The following GPA33 variants were observed in gnomAD, a reference collection of about 807,000 sequenced individuals.
GPA33 encodes cell surface A33 antigen.
A neutral mutation model predicts 35.6 loss-of-function variants in GPA33; 27 were observed. The ratio of observed to expected loss-of-function variants is 0.76; its 90% confidence interval spans 0.56 to 1.04. The LOEUF is 1.04. Among genes scored for constraint, GPA33 ranks in the 50% least tolerant of loss-of-function variants. The pLI, the probability that GPA33 is intolerant of heterozygous loss-of-function variation, is 0.00. For synonymous variants in GPA33, 176 were observed against 164.0 expected (o/e 1.07, Z -0.56); for missense variants, 428 against 411.9 (o/e 1.04, Z -0.34).
At chr1:167,079,728 T>G (rs1208252180) in intron 1 of GPA33, among the ~76,000 whole-genome samples, 7 of 152,164 alleles carry the variant, frequency 4.6e-5, no homozygotes, top group Non-Finnish European at 1.0e-4. Flanking sequence ...TCAGTCAATA[T>G]CCTCTTGTTC....
chr1:167,056,796 T>C (rs1337589016), intron 4 of GPA33, among the ~76,000 whole-genome samples: 27 of 1,302 alleles, frequency 0.021, no homozygotes, highest in African/African-American at 0.069. Flanking sequence ...GTGTGGTGCG[T>C]GTGGTGTGGT....
intron 3 of GPA33, among the ~76,000 whole-genome samples, chr1:167,065,386 G>A (rs117476959): frequency 1.3e-5 from 2 of 152,338 alleles, no homozygotes; most frequent in East Asian, 3.9e-4. Flanking sequence ...GCAAGAAGCA[G>A]CATGAAGCAT....
At chr1:167,064,311 AAAAG>A (rs35530433) in intron 3 of GPA33, among the ~76,000 whole-genome samples, 68,081 of 150,622 alleles carry the variant, frequency 0.45, 15,776 homozygotes, top group South Asian at 0.61. Flanking sequence ...GAAAAAAAGA[AAAAG>A]AAAGAAAGAA....
intron 6 of GPA33, 125 bp downstream of exon 6, chr1:167,054,851 A>C: frequency 2.7e-6 from 3 of 1,099,064 alleles, no homozygotes; most frequent in Admixed American, 2.0e-5. Flanking sequence ...TCATTGTTTC[A>C]TCAGCACAAA....
chr1:167,071,071 C>G (rs1266667267), intron 2 of GPA33, among the ~76,000 whole-genome samples: 1 of 151,848 alleles, frequency 6.6e-6, no homozygotes, highest in South Asian at 2.1e-4. Context: ...GGTTTGGGAG[C>G]CAATGACATG....
intron 1 of GPA33, chr1:167,082,261 C>G (rs1336405075): frequency 2.2e-6 from 1 of 456,092 alleles, no homozygotes; most frequent in African/African-American, 2.0e-5. Context: ...ATTCTGAGAT[C>G]GTGGGGCAAT....
At chr1:167,069,468 T>C (rs992384989) in intron 2 of GPA33, among the ~76,000 whole-genome samples, 1 of 152,220 alleles carries the variant, frequency 6.6e-6, no homozygotes, top group African/African-American at 2.4e-5. Context: ...TTCCATTTTC[T>C]CCATAGCCTA....
chr1:167,073,601 C>T, intron 1 of GPA33, 62 bp from the exon 2 acceptor site: 2 of 1,406,192 alleles, frequency 1.4e-6, no homozygotes, highest in Non-Finnish European at 2.0e-6. Context: ...TACCCACTCA[C>T]TGCCCACAGG....
intron 2 of GPA33, among the ~76,000 whole-genome samples, 170 bp from the exon 3 acceptor site, chr1:167,069,308 T>C (rs185886177): frequency 6.6e-6 from 1 of 152,306 alleles, no homozygotes; most frequent in Non-Finnish European, 1.5e-5. Context: ...GGATTTCTTG[T>C]ATTATATATA....
intron 1 of GPA33, among the ~76,000 whole-genome samples, chr1:167,074,906 C>CT (rs774982628): frequency 0.32 from 38,930 of 121,670 alleles, 7,635 homozygotes; most frequent in African/African-American, 0.48. Context: ...ATTTGACTTA[C>CT]TTTTTTTTTT....
intron 1 of GPA33, among the ~76,000 whole-genome samples, chr1:167,077,040 T>C (rs772820758): frequency 6.6e-6 from 1 of 151,864 alleles, no homozygotes; most frequent in Non-Finnish European, 1.5e-5. Flanking sequence ...ACCCTGCCTC[T>C]ACTAAAAATA....
In GPA33 at chr1:167,090,207, C is replaced by T. The variant is rs148390679; in HGVS notation, c.43+38G>A. On this transcript the variant is annotated intron_variant, in intron 1 of 6. Transcript: ENST00000367868. Reference sequence around the variant, plus strand: ...TCAGCCCTAGGTCCCCATGTCTCACCCACCCCTGGGCACTGGAGAGAAAAG... The same window carrying T: ...TCAGCCCTAGGTCCCCATGTCTCACTCACCCCTGGGCACTGGAGAGAAAAG... 8.6e-3 allele frequency: 13,226 copies of T among 1,534,774 alleles called. 77 individuals carry two copies. Among genetic ancestry groups the T allele is most frequent in the Middle Eastern group, 0.013 (77 of 5,912 alleles).
chr1:167,065,421 T>C (rs1666569859), intron 3 of GPA33, among the ~76,000 whole-genome samples: 1 of 152,192 alleles, frequency 6.6e-6, no homozygotes, highest in Non-Finnish European at 1.5e-5. Flanking sequence ...GTCGTGTCCT[T>C]GGAGGTGAGA....
Position 167,063,700 on chromosome 1 carries a change from C to T in GPA33, c.453G>A (p.Glu151=). Residue 151 remains glutamate (E), a synonymous_variant, in exon 4 of 7, where the codon GAG becomes GAA. Coordinates refer to ENST00000367868, the MANE Select transcript of GPA33 (RefSeq NM_005814.3). ...PSKPECGIEG[E]TIIGNNIQLT... ...GCTGGATGTTGTTCCCAATTATGGT[C>T]TCTCCCTCGATGCCGCATTCTGGTT... 3 of 1,613,520 alleles carry T rather than the reference C, an allele frequency of 1.9e-6. No individual in the cohort carries two copies. Among genetic ancestry groups the T allele is most frequent in the Non-Finnish European group, 1.7e-6 (2 of 1,179,996 alleles).
At chr1:167,061,877 T>A (rs1255496645) in intron 4 of GPA33, among the ~76,000 whole-genome samples, 1 of 152,148 alleles carries the variant, frequency 6.6e-6, no homozygotes, top group African/African-American at 2.4e-5. Context: ...GTCTACTAAC[T>A]TTTTTAAGAA....
At chr1:167,061,969 A>G (rs1666461584) in intron 4 of GPA33, among the ~76,000 whole-genome samples, 1 of 152,016 alleles carries the variant, frequency 6.6e-6, no homozygotes, top group African/African-American at 2.4e-5. Context: ...GGCTGGGCTT[A>G]TCCAGGACAC....
At chr1:167,058,359 C>G (rs1475492751) in intron 4 of GPA33, 2 of 152,068 alleles carry the variant, frequency 1.3e-5, no homozygotes, top group Non-Finnish European at 2.9e-5. Context: ...GGGTCCCTGT[C>G]CTCTTGGTGT....
At chr1:167,072,655 A>G (rs1306618317) in intron 2 of GPA33, among the ~76,000 whole-genome samples, 1 of 152,230 alleles carries the variant, frequency 6.6e-6, no homozygotes, top group South Asian at 2.1e-4. Flanking sequence ...TTCATGGTAC[A>G]TATAGTACCT....
chr1:167,061,325 A>G (rs1473962559), intron 4 of GPA33, among the ~76,000 whole-genome samples: 1 of 152,134 alleles, frequency 6.6e-6, no homozygotes, highest in Non-Finnish European at 1.5e-5. Context: ...CCATATACAC[A>G]CTTTGCAGGA....
Sources: allele counts gnomAD v4.1 joint callset (sites outside exome capture counted in the v4.1 genomes callset), GRCh38; gene constraint gnomAD v4.1.1; transcripts MANE v1.5; gene names NCBI Gene and HGNC (gene_info 2026-07-23, HGNC 2026-07-21).